EDIL3: variants seen among roughly 807,000 people sequenced by gnomAD.
The protein encoded by EDIL3 is EGF-like repeat and discoidin I-like domain-containing protein 3.
EDIL3 carries 37 observed loss-of-function variants against 67.4 expected under a neutral mutation model. The observed-to-expected ratio is 0.55, with a 90% CI of 0.42 to 0.72. The LOEUF (loss-of-function observed/expected upper bound fraction) is 0.72, where lower values mean the gene tolerates loss of function less well. Among genes scored for constraint, EDIL3 ranks in the 30% least tolerant of loss-of-function variants. EDIL3 has a pLI of 0.00. For missense variants in EDIL3, 527 were observed against 586.3 expected (o/e 0.90, Z 1.04); for synonymous variants, 195 against 196.3 (o/e 0.99, Z 0.05).
chr5:84,046,905 C>A (rs1348352081), intron 9 of EDIL3, among the ~76,000 whole-genome samples: 7 of 152,130 alleles, frequency 4.6e-5, no homozygotes, highest in Non-Finnish European at 7.3e-5. Context: ...CACTTCTAAG[C>A]AGAAGCATTC....
At chr5:84,252,413 G>C (rs3776884) in intron 2 of EDIL3, among the ~76,000 whole-genome samples, 87,695 of 148,124 alleles carry the variant, frequency 0.59, 26,115 homozygotes, top group East Asian at 0.82. Context: ...AGAACGGTGT[G>C]AACCCGGGGT....
At chr5:84,347,652 T>C (rs1747262729) in intron 1 of EDIL3, among the ~76,000 whole-genome samples, 1 of 152,216 alleles carries the variant, frequency 6.6e-6, no homozygotes. Context: ...TTCTTGCATT[T>C]GATTTCACAT....
chr5:84,325,547 C>CA (rs1462366763), intron 1 of EDIL3, among the ~76,000 whole-genome samples: 1 of 151,952 alleles, frequency 6.6e-6, no homozygotes, highest in African/African-American at 2.4e-5. Flanking sequence ...GGGAATATAA[C>CA]ATAGTATTGC....
At chr5:84,206,707 T>A (rs1173440871) in intron 3 of EDIL3, among the ~76,000 whole-genome samples, 3 of 152,066 alleles carry the variant, frequency 2.0e-5, no homozygotes, top group Admixed American at 1.3e-4. Context: ...CATGATCAAG[T>A]GGGCTTCATC....
intron 1 of EDIL3, among the ~76,000 whole-genome samples, chr5:84,323,016 C>T (rs1376530638): frequency 6.6e-6 from 1 of 151,950 alleles, no homozygotes; most frequent in Non-Finnish European, 1.5e-5. Flanking sequence ...ATCAACAAAA[C>T]CTGAGGGACC....
chr5:84,282,458 A>G (rs1745724126), intron 1 of EDIL3, among the ~76,000 whole-genome samples: 1 of 152,178 alleles, frequency 6.6e-6, no homozygotes, highest in Admixed American at 6.5e-5. Context: ...CATACACTTT[A>G]GTTGCTTTAT....
chr5:84,381,819 A>C (rs1441701488), intron 1 of EDIL3, among the ~76,000 whole-genome samples: 4 of 152,238 alleles, frequency 2.6e-5, no homozygotes, highest in African/African-American at 9.7e-5. Context: ...AAAATATTCA[A>C]TCTGACTGAT....
At chr5:84,353,297 G>C (rs1254636409) in intron 1 of EDIL3, among the ~76,000 whole-genome samples, 1 of 152,128 alleles carries the variant, frequency 6.6e-6, no homozygotes, top group East Asian at 1.9e-4. Context: ...GTCAGCATGA[G>C]TATCAGCACT....
chr5:84,163,505 A>T (rs1184495602), intron 4 of EDIL3, among the ~76,000 whole-genome samples: 2 of 152,116 alleles, frequency 1.3e-5, no homozygotes, highest in African/African-American at 4.8e-5. Flanking sequence ...AACATATAAG[A>T]CCATCAATGC....
chr5:83,964,159 T>C (rs1288968806), intron 9 of EDIL3, among the ~76,000 whole-genome samples: 1 of 151,998 alleles, frequency 6.6e-6, no homozygotes, highest in Non-Finnish European at 1.5e-5. Flanking sequence ...AACATTTTCA[T>C]CAAGAATACG....
intron 3 of EDIL3, among the ~76,000 whole-genome samples, chr5:84,212,393 C>T (rs1204120754): frequency 6.6e-6 from 1 of 152,130 alleles, no homozygotes; most frequent in Non-Finnish European, 1.5e-5. Flanking sequence ...AATTCAAATC[C>T]CTTTAGGGAT....
chr5:83,975,184 G>C (rs1160249473), intron 9 of EDIL3, among the ~76,000 whole-genome samples: 1 of 151,958 alleles, frequency 6.6e-6, no homozygotes, highest in Non-Finnish European at 1.5e-5. Flanking sequence ...AAGATGCTTA[G>C]ACTTTACTTC....
rs1435370993 is a variant in EDIL3 at position 84,384,537 on chromosome 5, C to A, written c.-163G>T. ...TTGTTAAACAAATTCTTGGAGAGGG[C>A]GAGAGTGGTGACTAAAGAGAGGAGC... On this transcript the variant is annotated 5_prime_UTR_variant, in exon 1 of 11. Transcript: ENST00000296591. 2 of 633,698 alleles carry A rather than the reference C, an allele frequency of 3.2e-6. No homozygotes were observed. The highest frequency in any genetic ancestry group is 5.3e-6 in the Non-Finnish European group (2 of 378,638). 39.3% of individuals were successfully genotyped at this position (633,698 alleles called of 1,614,324 possible).
chr5:84,184,558 A>C (rs1403083062), intron 3 of EDIL3, among the ~76,000 whole-genome samples: 1 of 152,192 alleles, frequency 6.6e-6, no homozygotes, highest in Non-Finnish European at 1.5e-5. Context: ...CTAAACACAC[A>C]AGCCTGTGAG....
Position 84,176,226 on chromosome 5 carries a change from T to A in EDIL3, c.355+4167A>T, listed in dbSNP as rs867400741. 4.6e-4 allele frequency among the ~76,000 whole-genome samples: 61 copies of A among 133,066 alleles called. 1 individual carries two copies. Among genetic ancestry groups the A allele is most frequent in the African/African-American group, 5.2e-4 (18 of 34,874 alleles). 87.3% of individuals were successfully genotyped at this position (133,066 alleles called of 152,430 possible). ...ATATATATATATATATATATATATA[T>A]AATATATTGTATGTATAATATATTG... On this transcript the variant is annotated intron_variant, in intron 4 of 10. Coordinates refer to ENST00000296591, the MANE Select transcript of EDIL3 (RefSeq NM_005711.5).
intron 1 of EDIL3, among the ~76,000 whole-genome samples, chr5:84,308,936 T>C (rs1746325764): frequency 1.3e-5 from 2 of 152,130 alleles, no homozygotes; most frequent in Non-Finnish European, 2.9e-5. Context: ...GTTACTTCAT[T>C]TGGGACCCAT....
chr5:84,000,650 A>G (rs1745316348), intron 9 of EDIL3, among the ~76,000 whole-genome samples: 1 of 152,058 alleles, frequency 6.6e-6, no homozygotes, highest in South Asian at 2.1e-4. Flanking sequence ...AAGAAAGGAA[A>G]AAAGATAAAT....
chr5:84,053,371 T>G (rs549696596), intron 9 of EDIL3, among the ~76,000 whole-genome samples: 2 of 152,168 alleles, frequency 1.3e-5, no homozygotes, highest in Admixed American at 6.5e-5. Context: ...GATCTAAAAT[T>G]GACACCCTAA....
rs1176198415 is a variant in EDIL3 at position 84,376,413 on chromosome 5, T to A, written c.67+7895A>T. Among the ~76,000 whole-genome samples, 4 of 152,184 alleles carry A rather than the reference T, an allele frequency of 2.6e-5. No individual in the cohort carries two copies. In the East Asian group the frequency reaches 7.7e-4, roughly 29 times the overall value. ...CCAAAATCAAATTTAGTCAGAAATG[T>A]CAGAACCTTGCACCTAAAAAAGGGA... On this transcript the variant is annotated intron_variant, in intron 1 of 10. Coordinates refer to ENST00000296591, the MANE Select transcript of EDIL3 (RefSeq NM_005711.5).
Sources: allele counts gnomAD v4.1 joint callset (sites outside exome capture counted in the v4.1 genomes callset), GRCh38; gene constraint gnomAD v4.1.1; transcripts MANE v1.5; gene names NCBI Gene and HGNC (gene_info 2026-07-23, HGNC 2026-07-21).